The following JADE3 variants were observed in gnomAD, a reference collection of about 807,000 sequenced individuals.
JADE3 encodes the protein protein Jade-3.
In JADE3, 2 loss-of-function variants were observed where a neutral mutation model predicts 50.1. The observed-to-expected ratio is 0.04, with a 90% CI of 0.02 to 0.13. JADE3 has a LOEUF of 0.13. Among genes scored for constraint, JADE3 ranks in the 10% least tolerant of loss-of-function variants. The pLI is 1.00. For missense variants in JADE3, 475 were observed against 634.4 expected (o/e 0.75, Z 2.70); for synonymous variants, 218 against 232.9 (o/e 0.94, Z 0.58).
At chrX:46,944,090 T>C (rs1926827890) in intron 1 of JADE3, among the ~76,000 whole-genome samples, 1 of 110,952 alleles carries the variant, frequency 9.0e-6, no homozygotes, top group African/African-American at 3.3e-5. Context: ...ATTTGGATCT[T>C]CTCTCCTTTT....
chrX:47,059,332 C>T lies in JADE3; in HGVS notation c.*255C>T. The T allele has an allele frequency of 3.2e-6, 1 of 312,991 alleles. No individual in the cohort carries two copies. Among genetic ancestry groups the T allele is most frequent in the East Asian group, 5.1e-5 (1 of 19,771 alleles). The allele number at this position is 312,991 out of a possible 1,213,427, so 25.8% of individuals were successfully genotyped here. A position where few individuals can be genotyped will look rare whatever the true frequency, so the allele number is the denominator to read the frequency against. ...AACAGCTGGGCCCAGGGTATTTGCT[C>T]AGTAAATATTTTGGGGCAGCTTTCC... On this transcript the variant is annotated 3_prime_UTR_variant, in exon 11 of 11. Transcript: ENST00000614628.
intron 1 of JADE3, among the ~76,000 whole-genome samples, chrX:46,940,422 A>C (rs1926727928): frequency 8.9e-6 from 1 of 112,139 alleles, no homozygotes; most frequent in African/African-American, 3.2e-5. Flanking sequence ...TAAGGGACTT[A>C]GGAAGCCTTT....
intron 4 of JADE3, among the ~76,000 whole-genome samples, chrX:47,023,722 A>G (rs782809068): frequency 8.9e-6 from 1 of 112,070 alleles, no homozygotes; most frequent in Admixed American, 9.5e-5. Flanking sequence ...CCTGGCCAAC[A>G]TGGTGAAACC....
intron 1 of JADE3, among the ~76,000 whole-genome samples, chrX:46,929,314 G>A (rs782446618): frequency 8.9e-6 from 1 of 112,331 alleles, no homozygotes; most frequent in Admixed American, 9.4e-5. Context: ...AAATCCAGAA[G>A]AAACTTTTTT....
At chrX:46,938,459 ATCC>A (rs1556341614) in intron 1 of JADE3, among the ~76,000 whole-genome samples, 2 of 111,546 alleles carry the variant, frequency 1.8e-5, no homozygotes. Flanking sequence ...AGGTCCCTTT[ATCC>A]TCCTTTCTTT....
At position 47,059,268 on chromosome X, in the gene JADE3, G is replaced by T. The variant is rs1447374849; in HGVS notation, c.*191G>T. On this transcript the variant is annotated 3_prime_UTR_variant, in exon 11 of 11. Coordinates refer to ENST00000614628, the MANE Select transcript of JADE3 (RefSeq NM_014735.5). ...TTTTTACAAGCACATTACAGTAATT[G>T]CAGGTTGTCCAGAGGTTGGTTTGTC... 4 of 400,794 alleles carry T rather than the reference G, an allele frequency of 1.0e-5. No homozygotes were observed. Among genetic ancestry groups the T allele is most frequent in the Non-Finnish European group, 1.7e-5 (4 of 237,312 alleles). 33.0% of individuals were successfully genotyped at this position (400,794 alleles called of 1,213,427 possible).
chrX:46,985,702 A>G lies in JADE3; in HGVS notation c.47-11A>G, dbSNP rs782233033. ...TGTGTCTCAGTATTTTTTTCTAATT[A>G]TCTTTCACAGGTCCTTCCACTTCCT... On this transcript the variant is annotated splice_polypyrimidine_tract_variant and intron_variant, in intron 2 of 10. Coordinates refer to ENST00000614628, the MANE Select transcript of JADE3 (RefSeq NM_014735.5). 1 of 1,147,648 alleles carries G rather than the reference A, an allele frequency of 8.7e-7. No homozygotes were observed. The highest frequency in any genetic ancestry group is 1.2e-6 in the Non-Finnish European group (1 of 840,397). The allele number at this position is 1,147,648 out of a possible 1,213,427, so 94.6% of individuals were successfully genotyped here.
intron 1 of JADE3, among the ~76,000 whole-genome samples, chrX:46,948,132 A>C (rs1926924071): frequency 8.9e-6 from 1 of 112,052 alleles, no homozygotes; most frequent in Admixed American, 9.5e-5. Context: ...TAAGATTAAG[A>C]TCACTGTCTA....
chrX:46,962,742 C>G (rs1382625666), intron 1 of JADE3, among the ~76,000 whole-genome samples: 1 of 111,553 alleles, frequency 9.0e-6, no homozygotes, highest in African/African-American at 3.3e-5. Context: ...GAGCCAAATC[C>G]TGCAGTATTA....
In JADE3 at chrX:47,030,958, A is replaced by G. The variant is rs372960382; in HGVS notation, c.688-2663A>G. On this transcript the variant is annotated intron_variant, in intron 6 of 10. Transcript: ENST00000614628. ...CCAGCTGCTCGGGAGGCTGAGGCAG[A>G]AGAATTGCTTGAACCCAGGAGGTGG... Among the ~76,000 whole-genome samples, 575 of 110,097 alleles carry G rather than the reference A, an allele frequency of 5.2e-3. 2 individuals carry two copies. Among genetic ancestry groups the G allele is most frequent in the South Asian group, 0.022 (56 of 2,505 alleles).
intron 6 of JADE3, among the ~76,000 whole-genome samples, chrX:47,033,260 T>C (rs1285274497): frequency 8.9e-6 from 1 of 111,984 alleles, no homozygotes; most frequent in Non-Finnish European, 1.9e-5. Flanking sequence ...TTAGGAAATG[T>C]TCAATAAGTG....
chrX:46,938,506 C>G (rs1225297658), intron 1 of JADE3, among the ~76,000 whole-genome samples: 4 of 111,831 alleles, frequency 3.6e-5, no homozygotes, highest in African/African-American at 1.3e-4. Flanking sequence ...ACACCTATAC[C>G]TGTTGAAAAT....
intron 4 of JADE3, among the ~76,000 whole-genome samples, chrX:47,003,878 ATT>A (rs1420029901): frequency 9.9e-6 from 1 of 101,513 alleles, no homozygotes; most frequent in East Asian, 2.9e-4. Flanking sequence ...ATATATTTAT[ATT>A]TTTATATATA....
At chrX:46,918,812 G>A (rs782725985) in intron 1 of JADE3, among the ~76,000 whole-genome samples, 1 of 112,203 alleles carries the variant, frequency 8.9e-6, no homozygotes, top group African/African-American at 3.2e-5. Flanking sequence ...GCAAGTGAGA[G>A]CAAGCACCAG....
intron 7 of JADE3, among the ~76,000 whole-genome samples, chrX:47,036,672 C>T (rs782471991): frequency 0.013 from 1,212 of 91,127 alleles, 20 homozygotes; most frequent in African/African-American, 0.048. Context: ...ATGTTTATTG[C>T]GGCATTATTC....
At chrX:47,012,650 C>T (rs1297204974) in intron 4 of JADE3, among the ~76,000 whole-genome samples, 1 of 109,324 alleles carries the variant, frequency 9.1e-6, no homozygotes, top group Non-Finnish European at 1.9e-5. Flanking sequence ...GTTGTTGTTG[C>T]TTGTCCTTTT....
chrX:47,027,816 G>A, intron 5 of JADE3, 76 bp from the exon 6 acceptor site: 1 of 834,273 alleles, frequency 1.2e-6, no homozygotes, highest in Non-Finnish European at 1.8e-6. Flanking sequence ...ACCCACTCCT[G>A]CACTGGGCTC....
At chrX:46,913,495 T>C (rs1926013907) in intron 1 of JADE3, among the ~76,000 whole-genome samples, 1 of 112,011 alleles carries the variant, frequency 8.9e-6, no homozygotes, top group Non-Finnish European at 1.9e-5. Context: ...ACGGCAAAGT[T>C]AACTTTTCTC....
intron 4 of JADE3, among the ~76,000 whole-genome samples, chrX:47,023,235 G>C (rs1268433342): frequency 9.0e-6 from 1 of 111,435 alleles, no homozygotes; most frequent in Admixed American, 9.6e-5. Flanking sequence ...GTTAAGCCTA[G>C]CATGCATTAG....
Sources: gnomAD v4.1 joint callset for allele counts (sites outside exome capture counted in the v4.1 genomes callset) on GRCh38, gnomAD v4.1.1 for gene constraint, MANE v1.5 for transcripts, NCBI Gene and HGNC (gene_info 2026-07-23, HGNC 2026-07-21) for gene names.